KDM7A: variants seen among roughly 807,000 people sequenced by gnomAD.
KDM7A encodes the protein lysine demethylase 7A.
Under a neutral mutation model 114.8 loss-of-function variants are expected in KDM7A, and 28 were observed. That is an observed-to-expected ratio of 0.24 (90% CI 0.18 to 0.33). The LOEUF (loss-of-function observed/expected upper bound fraction) is 0.33, where lower values mean the gene tolerates loss of function less well. Among genes scored for constraint, KDM7A ranks in the 10% least tolerant of loss-of-function variants. The probability of loss-of-function intolerance (pLI) is 1.00; values close to 1 mark genes in which losing one functional copy is unlikely to be tolerated. For missense variants in KDM7A, 942 were observed against 1,142.5 expected, an observed-to-expected ratio of 0.82 and a Z score of 2.53; for synonymous variants, 423 against 397.8, an observed-to-expected ratio of 1.06 and a Z score of -0.75.
At chr7:140,129,387 C>A (rs537937119) in intron 4 of KDM7A, 106 bp downstream of exon 4, 2 of 971,576 alleles carry the variant, frequency 2.1e-6, no homozygotes, top group South Asian at 3.0e-5. Context: ...CTTTTCTGAG[C>A]AGAAAACTAA....
At chr7:140,119,273 T>C (rs931256327) in intron 8 of KDM7A, 54 bp from the exon 9 acceptor site, 2 of 968,210 alleles carry the variant, frequency 2.1e-6, no homozygotes, top group Middle Eastern at 3.2e-4. Context: ...CAAAGTTAGA[T>C]GAAAGTAACC....
chr7:140,133,702 A>T, intron 2 of KDM7A, 46 bp from the exon 3 acceptor site: 1 of 985,550 alleles, frequency 1.0e-6, no homozygotes, highest in Non-Finnish European at 1.6e-6. Flanking sequence ...GTAACTGGTG[A>T]TACTATGTGA....
Position 140,176,711 on chromosome 7 carries a change from T to C in KDM7A, c.194+33A>G, listed in dbSNP as rs374262765. 2.7e-4 allele frequency: 331 copies of C among 1,205,170 alleles called. No homozygotes were observed. In the African/African-American group the frequency reaches 3.0e-3, roughly 11 times the overall value. The allele number at this position is 1,205,170 out of a possible 1,614,324, so 74.7% of individuals were successfully genotyped here. On this transcript the variant is annotated intron_variant, in intron 1 of 19. Coordinates refer to ENST00000397560, the MANE Select transcript of KDM7A (RefSeq NM_030647.2). The surrounding 1 kb of genome is among the most constrained non-coding windows in gnomAD (Gnocchi z 4.4). ...GCGGCGGTTGGTCGGTGGCCGGCGGTGGCGGCTGCGGGGCTGGAGGGGGTT... is the reference window on the plus strand; with the variant it reads ...GCGGCGGTTGGTCGGTGGCCGGCGGCGGCGGCTGCGGGGCTGGAGGGGGTT...
intron 1 of KDM7A, among the ~76,000 whole-genome samples, chr7:140,169,880 G>A (rs1385422774): frequency 6.6e-6 from 1 of 152,144 alleles, no homozygotes; most frequent in East Asian, 1.9e-4. Flanking sequence ...CAAGTAGCCT[G>A]AGATAAGCCT....
chr7:140,122,366 A>G (rs1286453663), intron 7 of KDM7A, among the ~76,000 whole-genome samples: 1 of 151,954 alleles, frequency 6.6e-6, no homozygotes, highest in Non-Finnish European at 1.5e-5. Flanking sequence ...TTGAAGAATC[A>G]TAAATGTCAA....
At chr7:140,100,682 A>ATATG (rs1491140317) in intron 12 of KDM7A, among the ~76,000 whole-genome samples, 3 of 37,202 alleles carry the variant, frequency 8.1e-5, no homozygotes, top group African/African-American at 3.5e-4. Context: ...ATATATATAC[A>ATATG]TATATACATA....
chr7:140,137,922 T>C (rs77212850), intron 2 of KDM7A, among the ~76,000 whole-genome samples: 8,918 of 152,118 alleles, frequency 0.059, 335 homozygotes, highest in East Asian at 0.13. Context: ...CCAACCCAAG[T>C]GTGTATCAAG....
At chr7:140,172,621 C>G (rs975739400) in intron 1 of KDM7A, among the ~76,000 whole-genome samples, 19 of 151,850 alleles carry the variant, frequency 1.3e-4, no homozygotes, top group African/African-American at 4.6e-4. Flanking sequence ...CCACTGCACT[C>G]CAGCCTGGGC....
chr7:140,151,112 T>A (rs2116835848), intron 1 of KDM7A, among the ~76,000 whole-genome samples: 1 of 152,286 alleles, frequency 6.6e-6, no homozygotes, highest in African/African-American at 2.4e-5. Context: ...ATTACAGGCG[T>A]GAGCCACCGT....
intron 1 of KDM7A, among the ~76,000 whole-genome samples, chr7:140,171,690 A>C (rs1195945869): frequency 6.7e-6 from 1 of 150,224 alleles, no homozygotes; most frequent in African/African-American, 2.4e-5. Flanking sequence ...ACTCCCTCTC[A>C]GTCAATTCCC....
chr7:140,149,574 C>G (rs1257883284), intron 1 of KDM7A, among the ~76,000 whole-genome samples: 5 of 152,216 alleles, frequency 3.3e-5, no homozygotes, highest in African/African-American at 1.2e-4. Flanking sequence ...TTAATACTCT[C>G]TTATTCCTCA....
Position 140,127,491 on chromosome 7 carries a change from T to C in KDM7A, c.652A>G (p.Asn218Asp), listed in dbSNP as rs1165732440. The part of the protein sequence containing the change: ...HNYVKYFMNP[N>D]RPKVLNVISL... ...ATCACATTTAACACTTTTGGTCTGT[T>C]AGGATTCATGAAGTATTTAACATAA... The change falls in exon 5 of 20, where the codon AAC becomes GAC. Residue 218 changes from asparagine (N) to aspartate (D), a missense_variant. By Grantham distance (23) the Asn-to-Asp change is conservative. Transcript: ENST00000397560. The C allele has an allele frequency of 6.2e-7, 1 of 1,613,820 alleles. No homozygotes were observed. Among genetic ancestry groups the C allele is most frequent in the East Asian group, 2.2e-5 (1 of 44,872 alleles).
intron 1 of KDM7A, among the ~76,000 whole-genome samples, chr7:140,144,115 T>G (rs1794314058): frequency 6.6e-6 from 1 of 152,198 alleles, no homozygotes; most frequent in African/African-American, 2.4e-5. Context: ...GACTTCAAAC[T>G]TACTTAACAA....
At chr7:140,114,367 G>C (rs34837930) in intron 9 of KDM7A, among the ~76,000 whole-genome samples, 2 of 151,352 alleles carry the variant, frequency 1.3e-5, no homozygotes, top group Admixed American at 1.3e-4. Flanking sequence ...ACGGGGTTTC[G>C]CTGTGTTGGC....
chr7:140,127,415 TAA>T (rs779004939), intron 5 of KDM7A, 25 bp downstream of exon 5: 4 of 1,596,356 alleles, frequency 2.5e-6, no homozygotes, highest in Non-Finnish European at 3.4e-6. Flanking sequence ...CTCAGAATGC[TAA>T]ACCAAAATAC....
intron 1 of KDM7A, among the ~76,000 whole-genome samples, chr7:140,155,812 T>C (rs1794452034): frequency 6.6e-6 from 1 of 152,182 alleles, no homozygotes; most frequent in South Asian, 2.1e-4. Context: ...ATGCCAACTA[T>C]TTTTAGAAGG....
chr7:140,099,889 C>T lies in KDM7A; in HGVS notation c.1763+10G>A, dbSNP rs756297852. 1.9e-6 allele frequency: 3 copies of T among 1,606,998 alleles called. No homozygotes were observed. The highest frequency in any genetic ancestry group is 2.2e-5 in the East Asian group (1 of 44,838). On this transcript the variant is annotated intron_variant, in intron 13 of 19. Transcript: ENST00000397560. ...TTAATCTATTTGATACTCTGATTTA[C>T]TTTACATACTTAATTATTCTTCCAT...
intron 2 of KDM7A, among the ~76,000 whole-genome samples, chr7:140,135,104 T>C (rs1818846413): frequency 6.6e-6 from 1 of 151,660 alleles, no homozygotes; most frequent in Non-Finnish European, 1.5e-5. Flanking sequence ...GAAATTCCAT[T>C]AAAACATCCT....
intron 11 of KDM7A, 82 bp downstream of exon 11, chr7:140,111,013 T>TA: frequency 1.3e-6 from 1 of 761,196 alleles, no homozygotes; most frequent in South Asian, 2.0e-5. Flanking sequence ...AGTTTTTAAA[T>TA]ATTTGTAGAG....
Sources: allele counts gnomAD v4.1 joint callset (sites outside exome capture counted in the v4.1 genomes callset), GRCh38; gene constraint gnomAD v4.1.1; non-coding constraint Gnocchi (gnomAD v3.1); transcripts MANE v1.5; gene names NCBI Gene and HGNC (gene_info 2026-07-23, HGNC 2026-07-21).